Variants in GRM8 observed in about 807,000 individuals in gnomAD.
GRM8 encodes the protein glutamate metabotropic receptor 8.
In GRM8, 47 loss-of-function variants were observed where a neutral mutation model predicts 87.2. The ratio of observed to expected loss-of-function variants is 0.54; its 90% CI spans 0.43 to 0.69. The LOEUF is 0.69. GRM8 is among the 30% of genes least tolerant of loss of function. The probability of loss-of-function intolerance (pLI) is 0.00; values close to 1 mark genes in which losing one functional copy is unlikely to be tolerated. For missense variants in GRM8, 1,019 were observed against 1,139.2 expected (o/e 0.89, Z 1.52); for synonymous variants, 396 against 404.5 (o/e 0.98, Z 0.25).
chr7:126,462,463 G>C lies in GRM8; in HGVS notation c.2431-16091C>G, dbSNP rs935602309. On this transcript the variant is annotated intron_variant, in intron 9 of 10. Coordinates refer to ENST00000339582, the MANE Select transcript of GRM8 (RefSeq NM_000845.3). ...CAGTTAGACAATTAGTTAGATAGACGTTTGTGGATGGCATAAAGACAATTA... is the reference window on the plus strand; with the variant it reads ...CAGTTAGACAATTAGTTAGATAGACCTTTGTGGATGGCATAAAGACAATTA... 9.2e-5 allele frequency among the ~76,000 whole-genome samples: 14 copies of C among 151,472 alleles called. No homozygotes were observed. In the Admixed American group the frequency reaches 9.2e-4, roughly 10 times the overall value.
intron 7 of GRM8, among the ~76,000 whole-genome samples, chr7:126,732,667 A>G (rs1237389945): frequency 6.6e-6 from 1 of 152,160 alleles, no homozygotes; most frequent in Non-Finnish European, 1.5e-5. Context: ...GCTTAGGTGA[A>G]GGTCTGCTCA....
chr7:126,971,281 T>TTA (rs1247113706), intron 3 of GRM8, among the ~76,000 whole-genome samples: 1 of 151,872 alleles, frequency 6.6e-6, no homozygotes, highest in African/African-American at 2.4e-5. Flanking sequence ...CCAGGCCAGT[T>TTA]TATATATACA....
chr7:127,039,620 GGGGAA>G (rs1297381121), intron 3 of GRM8, among the ~76,000 whole-genome samples: 3 of 134,842 alleles, frequency 2.2e-5, no homozygotes, highest in Non-Finnish European at 4.8e-5. Context: ...TGAGTGAGAA[GGGGAA>G]GGGGAAGGAG....
chr7:126,970,063 A>G lies in GRM8; in HGVS notation c.728-65380T>C, dbSNP rs1810263935. Among the ~76,000 whole-genome samples, 4 of 152,256 alleles carry G rather than the reference A, an allele frequency of 2.6e-5. 1 individual carries two copies. The South Asian group carries it at 8.3e-4, about 32-fold the overall frequency. On this transcript the variant is annotated intron_variant, in intron 3 of 10. Coordinates refer to ENST00000339582, the MANE Select transcript of GRM8 (RefSeq NM_000845.3). Reference sequence around the variant, plus strand: ...AAATATTCATTAAACCATGCTATAAAGACATGTACTGTAATCCAAGTTTTA... The same window carrying G: ...AAATATTCATTAAACCATGCTATAAGGACATGTACTGTAATCCAAGTTTTA...
intron 2 of GRM8, among the ~76,000 whole-genome samples, chr7:127,217,801 T>C (rs1796656969): frequency 6.6e-6 from 1 of 152,270 alleles, no homozygotes; most frequent in Non-Finnish European, 1.5e-5. Context: ...TGTTTTTTAA[T>C]GATTAAGAGA....
intron 9 of GRM8, among the ~76,000 whole-genome samples, chr7:126,454,867 G>A (rs1803048301): frequency 6.6e-6 from 1 of 151,686 alleles, no homozygotes; most frequent in Non-Finnish European, 1.5e-5. Context: ...CAGACTTCTA[G>A]TATCCAGCAG....
intron 3 of GRM8, among the ~76,000 whole-genome samples, chr7:126,916,661 T>G (rs1301993848): frequency 6.6e-6 from 1 of 152,262 alleles, no homozygotes. Flanking sequence ...GAGGGGTCTT[T>G]GCTCAAAGCA....
At chr7:126,669,016 A>G (rs1806098354) in intron 7 of GRM8, among the ~76,000 whole-genome samples, 1 of 152,240 alleles carries the variant, frequency 6.6e-6, no homozygotes, top group Admixed American at 6.5e-5. Flanking sequence ...TGTCCTTTGC[A>G]GAGACATGGA....
At chr7:127,215,267 C>T (rs187879168) in intron 2 of GRM8, 1 of 152,290 alleles carries the variant, frequency 6.6e-6, no homozygotes, top group East Asian at 1.9e-4. Context: ...AGTTTAAGCC[C>T]TAAACCTTCA....
Position 127,083,752 on chromosome 7 carries a change from C to T in GRM8, c.727+22744G>A, listed in dbSNP as rs543748847. Among the ~76,000 whole-genome samples, 21 of 152,094 alleles carry T rather than the reference C, an allele frequency of 1.4e-4. 1 individual carries two copies. Among genetic ancestry groups the T allele is most frequent in the Admixed American group, 1.3e-4 (2 of 15,266 alleles). Reference sequence around the variant, plus strand: ...CCTCTTTCACAAAAGGAATGCTGCTCCCTTTTCCCCCAAAATCGGCTCAAA... The same window carrying T: ...CCTCTTTCACAAAAGGAATGCTGCTTCCTTTTCCCCCAAAATCGGCTCAAA... On this transcript the variant is annotated intron_variant, in intron 3 of 10. Coordinates refer to ENST00000339582, the MANE Select transcript of GRM8 (RefSeq NM_000845.3).
intron 7 of GRM8, among the ~76,000 whole-genome samples, chr7:126,756,266 A>G (rs1474532561): frequency 6.6e-6 from 1 of 152,066 alleles, no homozygotes; most frequent in East Asian, 1.9e-4. Flanking sequence ...AACAAACTCA[A>G]AATGAATCAT....
chr7:126,582,540 GA>G (rs1337874456), intron 8 of GRM8, among the ~76,000 whole-genome samples: 1 of 152,160 alleles, frequency 6.6e-6, no homozygotes, highest in African/African-American at 2.4e-5. Flanking sequence ...ACAATCAATA[GA>G]TTTTAAATGG....
intron 9 of GRM8, among the ~76,000 whole-genome samples, chr7:126,448,950 T>A (rs1478236299): frequency 6.6e-6 from 1 of 151,754 alleles, no homozygotes; most frequent in Non-Finnish European, 1.5e-5. Context: ...GCTTAATACA[T>A]GGGTGATAAA....
At chr7:126,598,441 A>G (rs940231603) in intron 8 of GRM8, among the ~76,000 whole-genome samples, 1 of 152,106 alleles carries the variant, frequency 6.6e-6, no homozygotes, top group Non-Finnish European at 1.5e-5. Context: ...TACTCTACTG[A>G]ACAGCCTAGA....
chr7:126,520,851 T>A (rs1812878968), intron 9 of GRM8, among the ~76,000 whole-genome samples: 2 of 152,156 alleles, frequency 1.3e-5, no homozygotes, highest in Admixed American at 1.3e-4. Flanking sequence ...TACATATTCT[T>A]CTTTTGTATT....
At chr7:126,991,614 A>C (rs1413257064) in intron 3 of GRM8, among the ~76,000 whole-genome samples, 1 of 152,226 alleles carries the variant, frequency 6.6e-6, no homozygotes, top group Non-Finnish European at 1.5e-5. Flanking sequence ...AGATTGTTAA[A>C]ATAAACCAAA....
chr7:126,718,742 G>A (rs1404048127), intron 7 of GRM8, among the ~76,000 whole-genome samples: 1 of 152,108 alleles, frequency 6.6e-6, no homozygotes, highest in African/African-American at 2.4e-5. Flanking sequence ...GTGCCACGAG[G>A]TTCCAGTTAC....
chr7:126,493,068 A>C (rs998805952), intron 9 of GRM8, among the ~76,000 whole-genome samples: 3 of 151,868 alleles, frequency 2.0e-5, no homozygotes, highest in African/African-American at 7.3e-5. Context: ...TGTTTTGTTG[A>C]GCTTTGTTTG....
At chr7:126,646,785 A>C (rs1309328430) in intron 7 of GRM8, among the ~76,000 whole-genome samples, 3 of 152,204 alleles carry the variant, frequency 2.0e-5, no homozygotes, top group Non-Finnish European at 4.4e-5. Flanking sequence ...TTAATCTTGT[A>C]CTTGGCACAT....
Sources: gnomAD v4.1 joint callset for allele counts (sites outside exome capture counted in the v4.1 genomes callset) on GRCh38, gnomAD v4.1.1 for gene constraint, MANE v1.5 for transcripts, NCBI Gene and HGNC (gene_info 2026-07-23, HGNC 2026-07-21) for gene names.